PTPRM: variants seen among roughly 807,000 people sequenced by gnomAD.
PTPRM encodes receptor-type tyrosine-protein phosphatase mu.
In PTPRM, 47 loss-of-function variants were observed where a neutral mutation model predicts 186.7. The ratio of observed to expected loss-of-function variants is 0.25; its 90% CI spans 0.20 to 0.32. PTPRM has a LOEUF of 0.32. PTPRM is among the 10% of genes least tolerant of loss of function. The pLI is 1.00. For synonymous variants in PTPRM, 668 were observed against 674.9 expected (o/e 0.99, Z 0.16); for missense variants, 1,494 against 1,865.0 (o/e 0.80, Z 3.66).
intron 5 of PTPRM, among the ~76,000 whole-genome samples, chr18:7,934,518 C>G (rs2051684287): frequency 6.6e-6 from 1 of 152,176 alleles, no homozygotes; most frequent in Admixed American, 6.5e-5. Flanking sequence ...GGAACAGTTT[C>G]ACTGATCTAC....
intron 19 of PTPRM, among the ~76,000 whole-genome samples, chr18:8,294,455 T>A (rs2095073750): frequency 6.6e-6 from 1 of 151,866 alleles, no homozygotes; most frequent in Non-Finnish European, 1.5e-5. Flanking sequence ...TATAAAACGA[T>A]CAAATCTCAT....
chr18:7,737,900 G>A (rs2040805715), intron 1 of PTPRM, among the ~76,000 whole-genome samples: 1 of 152,134 alleles, frequency 6.6e-6, no homozygotes, highest in Non-Finnish European at 1.5e-5. Flanking sequence ...GTCTTTGTGT[G>A]GCCAGTTCAG....
chr18:7,899,742 T>C (rs905470614), intron 3 of PTPRM, among the ~76,000 whole-genome samples: 1 of 152,236 alleles, frequency 6.6e-6, no homozygotes, highest in Non-Finnish European at 1.5e-5. Flanking sequence ...GTTTACAGTG[T>C]CTTTATAGAA....
intron 1 of PTPRM, among the ~76,000 whole-genome samples, chr18:7,685,853 T>A (rs775424739): frequency 1.3e-5 from 2 of 152,216 alleles, no homozygotes; most frequent in Non-Finnish European, 2.9e-5. Flanking sequence ...TACTTTATCA[T>A]AGAGATGATC....
chr18:8,348,509 G>A (rs1266831796), intron 23 of PTPRM, among the ~76,000 whole-genome samples: 5 of 152,324 alleles, frequency 3.3e-5, no homozygotes, highest in South Asian at 2.1e-4. Context: ...ACCTGCCACC[G>A]GCTGCACACC....
intron 22 of PTPRM, among the ~76,000 whole-genome samples, chr18:8,335,673 C>T (rs945384438): frequency 6.6e-6 from 1 of 152,302 alleles, no homozygotes; most frequent in South Asian, 2.1e-4. Flanking sequence ...CTTTCACTTA[C>T]GGGTTTCATC....
chr18:8,265,463 GAGA>G (rs1176218253), intron 19 of PTPRM, among the ~76,000 whole-genome samples: 3 of 152,320 alleles, frequency 2.0e-5, no homozygotes, highest in East Asian at 1.9e-4. Context: ...GAAGGGAGAA[GAGA>G]AGAAGAAGAC....
intron 19 of PTPRM, among the ~76,000 whole-genome samples, chr18:8,295,257 G>A (rs112376127): frequency 9.8e-5 from 15 of 152,286 alleles, no homozygotes; most frequent in Admixed American, 4.6e-4. Context: ...ACCTCATGGG[G>A]GAGAGTTGGA....
chr18:7,957,228 C>A (rs990741634), intron 7 of PTPRM, among the ~76,000 whole-genome samples: 4 of 149,580 alleles, frequency 2.7e-5, no homozygotes, highest in Non-Finnish European at 5.9e-5. Flanking sequence ...GTCTGTACAT[C>A]TCAGCTATTG....
In PTPRM at chr18:7,954,139, A is replaced by G. The variant is rs147904876; in HGVS notation, c.839-982A>G. ...CATTTGGTGCCTAGAGAGCCTTTCA[A>G]CGGGCATCTAACTAATATACTGGGA... On this transcript the variant is annotated intron_variant, in intron 6 of 32. Coordinates refer to ENST00000580170, the MANE Select transcript of PTPRM (RefSeq NM_001105244.2). 5.3e-5 allele frequency among the ~76,000 whole-genome samples: 8 copies of G among 152,344 alleles called. No individual in the cohort carries two copies. The East Asian group carries it at 1.4e-3, about 26-fold the overall frequency.
At chr18:7,630,461 C>G (rs548952856) in intron 1 of PTPRM, among the ~76,000 whole-genome samples, 5 of 152,130 alleles carry the variant, frequency 3.3e-5, no homozygotes, top group South Asian at 4.2e-4. Flanking sequence ...GGGTGAGGAC[C>G]AGAGAGAGTG....
chr18:8,233,228 C>T (rs2147174932), intron 14 of PTPRM, among the ~76,000 whole-genome samples: 2 of 152,354 alleles, frequency 1.3e-5, no homozygotes, highest in South Asian at 4.1e-4. Context: ...GCGTAAGCCA[C>T]TGTGCCTGGC....
rs138602652 is a variant in PTPRM, at chr18:7,762,783, G to C, written c.74-11366G>C. Among the ~76,000 whole-genome samples, 71 of 152,272 alleles carry C rather than the reference G, an allele frequency of 4.7e-4. 1 individual carries two copies. Among genetic ancestry groups the C allele is most frequent in the African/African-American group, 1.7e-3 (69 of 41,564 alleles). ...CAGTTGTTTAGGAGATAAGGTGTCA[G>C]GCAGAGAGAGGCAGTCACTCAGCCA... On this transcript the variant is annotated intron_variant, in intron 1 of 32. Transcript: ENST00000580170.
intron 13 of PTPRM, among the ~76,000 whole-genome samples, chr18:8,118,799 CAAAA>C (rs71354599): frequency 8.4e-6 from 1 of 119,388 alleles, no homozygotes; most frequent in South Asian, 2.8e-4. Flanking sequence ...CATTCCATCT[CAAAA>C]AAAAAAAAAT....
chr18:7,619,430 A>G (rs532667317), intron 1 of PTPRM, among the ~76,000 whole-genome samples: 3 of 152,312 alleles, frequency 2.0e-5, no homozygotes, highest in African/African-American at 7.2e-5. Context: ...TCTTATTTGT[A>G]AAATAAAGAA....
intron 19 of PTPRM, among the ~76,000 whole-genome samples, chr18:8,276,089 C>T (rs34257605): frequency 0.086 from 13,013 of 151,998 alleles, 754 homozygotes; most frequent in Middle Eastern, 0.18. Context: ...CTCTACCTTT[C>T]CAAGTCCTTT....
chr18:8,291,096 G>C (rs1318603426), intron 19 of PTPRM, among the ~76,000 whole-genome samples: 1 of 152,136 alleles, frequency 6.6e-6, no homozygotes, highest in Non-Finnish European at 1.5e-5. Context: ...GTCCTCAGGG[G>C]CTAAATGATG....
chr18:7,664,810 GT>G (rs2039060711), intron 1 of PTPRM, among the ~76,000 whole-genome samples: 2 of 152,184 alleles, frequency 1.3e-5, no homozygotes, highest in Non-Finnish European at 2.9e-5. Context: ...TACTGGGGCT[GT>G]ATTTTTACAA....
At chr18:7,627,284 T>C (rs1001511498) in intron 1 of PTPRM, among the ~76,000 whole-genome samples, 1 of 152,230 alleles carries the variant, frequency 6.6e-6, no homozygotes, top group Non-Finnish European at 1.5e-5. Flanking sequence ...CCTCCGGATA[T>C]GGGCCTTTTC....
Sources: allele counts gnomAD v4.1 joint callset (sites outside exome capture counted in the v4.1 genomes callset), GRCh38; gene constraint gnomAD v4.1.1; transcripts MANE v1.5; gene names NCBI Gene and HGNC (gene_info 2026-07-23, HGNC 2026-07-21).